The following ASTN2 variants were observed in gnomAD, a reference collection of about 807,000 sequenced individuals.
The protein encoded by ASTN2 is astrotactin 2.
Under a neutral mutation model 139.8 loss-of-function variants are expected in ASTN2, and 54 were observed. That is an observed-to-expected ratio of 0.39 (90% CI 0.31 to 0.48). The LOEUF (loss-of-function observed/expected upper bound fraction) is 0.48. ASTN2 is among the 20% of genes least tolerant of loss of function. The pLI, the probability that ASTN2 is intolerant of heterozygous loss-of-function variation, is 0.95. For missense variants in ASTN2, 1,565 were observed against 1,725.1 expected (o/e 0.91, Z 1.64); for synonymous variants, 756 against 719.5 (o/e 1.05, Z -0.81).
intron 16 of ASTN2, among the ~76,000 whole-genome samples, chr9:116,721,427 A>G (rs1486514423): frequency 1.3e-5 from 2 of 152,324 alleles, no homozygotes; most frequent in South Asian, 2.1e-4. Context: ...ATCAAGTCAA[A>G]GGGTGAAATG....
chr9:116,622,501 A>G (rs193127693), intron 17 of ASTN2, among the ~76,000 whole-genome samples: 1 of 152,364 alleles, frequency 6.6e-6, no homozygotes, highest in East Asian at 1.9e-4. Context: ...GTCCTGAGAC[A>G]CAGATATTAC....
At chr9:116,665,613 A>T (rs1858814931) in intron 16 of ASTN2, among the ~76,000 whole-genome samples, 1 of 152,200 alleles carries the variant, frequency 6.6e-6, no homozygotes, top group African/African-American at 2.4e-5. Flanking sequence ...TCCTGAATCC[A>T]AGTCTGGAAC....
At chr9:116,840,482 CG>C (rs1832186548) in intron 11 of ASTN2, among the ~76,000 whole-genome samples, 1 of 138,336 alleles carries the variant, frequency 7.2e-6, no homozygotes, top group Non-Finnish European at 1.6e-5. Context: ...ACCTCCCGGA[CG>C]GGGCGGCTGG....
chr9:116,886,976 A>G (rs369559976), intron 10 of ASTN2, among the ~76,000 whole-genome samples: 252 of 152,300 alleles, frequency 1.7e-3, no homozygotes, highest in African/African-American at 5.8e-3. Flanking sequence ...TGATAAGATC[A>G]TCATGGTGTA....
chr9:116,434,778 G>A (rs1361554540), intron 22 of ASTN2, among the ~76,000 whole-genome samples: 1 of 152,166 alleles, frequency 6.6e-6, no homozygotes, highest in Non-Finnish European at 1.5e-5. Flanking sequence ...GGACAGCTGG[G>A]TGTCAGTGCG....
intron 17 of ASTN2, among the ~76,000 whole-genome samples, chr9:116,621,498 G>C (rs1856152539): frequency 6.6e-6 from 1 of 151,166 alleles, no homozygotes; most frequent in Non-Finnish European, 1.5e-5. Flanking sequence ...TCCCCTCTCT[G>C]CACTCCAATT....
intron 4 of ASTN2, among the ~76,000 whole-genome samples, chr9:117,129,180 G>A (rs1371982237): frequency 6.6e-6 from 1 of 152,168 alleles, no homozygotes; most frequent in Non-Finnish European, 1.5e-5. Flanking sequence ...GAGATATATG[G>A]ATTGAAGGCA....
intron 14 of ASTN2, 142 bp from the exon 15 acceptor site, chr9:116,729,238 C>G: frequency 1.5e-6 from 1 of 650,664 alleles, no homozygotes; most frequent in Non-Finnish European, 2.7e-6. Context: ...TTTATGAACC[C>G]CACCCTCCAG....
intron 5 of ASTN2, among the ~76,000 whole-genome samples, chr9:117,043,626 T>G (rs996032603): frequency 6.6e-6 from 1 of 152,106 alleles, no homozygotes; most frequent in Non-Finnish European, 1.5e-5. Context: ...GTCAACATGA[T>G]GGCTGGGCAC....
intron 19 of ASTN2, among the ~76,000 whole-genome samples, chr9:116,490,712 A>G (rs1038860539): frequency 5.6e-4 from 86 of 152,260 alleles, no homozygotes; most frequent in African/African-American, 1.9e-3. Flanking sequence ...TAAAATCATC[A>G]GATCTCATGA....
In ASTN2 at chr9:117,310,771, C is replaced by T. The variant is rs563471065; in HGVS notation, c.443-19258G>A. On this transcript the variant is annotated intron_variant, in intron 1 of 22. Coordinates refer to ENST00000313400, the MANE Select transcript of ASTN2 (RefSeq NM_001365068.1). ...CTCAGCCACCTAAGGACTACAAGCA[C>T]GCGCCACCACACCCAGATAATGTTT... 4.6e-5 allele frequency among the ~76,000 whole-genome samples: 7 copies of T among 152,224 alleles called. No individual in the cohort carries two copies. In the South Asian group the frequency reaches 8.3e-4, roughly 18 times the overall value.
At chr9:116,761,763 C>T (rs1327458220) in intron 13 of ASTN2, among the ~76,000 whole-genome samples, 1 of 151,926 alleles carries the variant, frequency 6.6e-6, no homozygotes, top group African/African-American at 2.4e-5. Context: ...TTATCCTGGG[C>T]ACAATGAGGA....
In ASTN2 at chr9:116,632,009, G is replaced by C. The variant is rs138426875; in HGVS notation, c.3073-11566C>G. ...CACACCTGTAGTGCCAGCTACTCGGGAGGCTGAGGCAGGAGAGTCGCTTGA... is the reference window on the plus strand; with the variant it reads ...CACACCTGTAGTGCCAGCTACTCGGCAGGCTGAGGCAGGAGAGTCGCTTGA... On this transcript the variant is annotated intron_variant, in intron 17 of 22. Transcript: ENST00000313400. Among the ~76,000 whole-genome samples, 2,868 of 151,780 alleles carry C rather than the reference G, an allele frequency of 0.019. 394 individuals are homozygous for C. In the South Asian group the frequency reaches 0.29, roughly 15 times the overall value.
chr9:116,684,600 G>GT (rs560901861), intron 16 of ASTN2, among the ~76,000 whole-genome samples: 85 of 152,238 alleles, frequency 5.6e-4, no homozygotes, highest in Non-Finnish European at 1.1e-3. Context: ...GAGTACTAAT[G>GT]TTTTTGCCAT....
At chr9:116,696,054 C>A (rs1271274885) in intron 16 of ASTN2, among the ~76,000 whole-genome samples, 1 of 152,120 alleles carries the variant, frequency 6.6e-6, no homozygotes, top group Non-Finnish European at 1.5e-5. Context: ...GTTCAGACTC[C>A]CCATTATCCC....
intron 7 of ASTN2, among the ~76,000 whole-genome samples, chr9:116,978,487 T>TCACGCGCGCA (rs1240343774): frequency 7.8e-6 from 1 of 128,740 alleles, no homozygotes; most frequent in Non-Finnish European, 1.7e-5. Context: ...TCTCTCTCTC[T>TCACGCGCGCA]CTCTCACGCA....
At chr9:117,249,861 G>A (rs892725727) in intron 2 of ASTN2, among the ~76,000 whole-genome samples, 11 of 152,004 alleles carry the variant, frequency 7.2e-5, no homozygotes, top group Non-Finnish European at 1.3e-4. Flanking sequence ...GTCCCAATCT[G>A]TTGAGACCTC....
intron 1 of ASTN2, among the ~76,000 whole-genome samples, chr9:117,350,438 T>C (rs1829352010): frequency 6.6e-6 from 1 of 151,696 alleles, no homozygotes; most frequent in South Asian, 2.1e-4. Flanking sequence ...TAATCCCAGC[T>C]ACTTGGGAGG....
intron 19 of ASTN2, among the ~76,000 whole-genome samples, chr9:116,570,227 T>C (rs769536158): frequency 1.3e-5 from 2 of 152,214 alleles, no homozygotes; most frequent in Non-Finnish European, 2.9e-5. Context: ...ACAGTTCATA[T>C]AGTGGGTTTA....
Sources: gnomAD v4.1 joint callset for allele counts (sites outside exome capture counted in the v4.1 genomes callset) on GRCh38, gnomAD v4.1.1 for gene constraint, MANE v1.5 for transcripts, NCBI Gene and HGNC (gene_info 2026-07-23, HGNC 2026-07-21) for gene names.